RXRA: variants seen among roughly 807,000 people sequenced by gnomAD.
The protein encoded by RXRA is retinoic acid receptor RXR-alpha.
RXRA carries 5 observed loss-of-function variants against 44.5 expected under a neutral mutation model. The observed-to-expected ratio is 0.11, with a 90% CI of 0.06 to 0.24. RXRA has a LOEUF of 0.24. Ranked by LOEUF, RXRA falls within the 10% of genes least tolerant of loss-of-function variation. The pLI, the probability that RXRA is intolerant of heterozygous loss-of-function variation, is 1.00. For synonymous variants in RXRA, 291 were observed against 271.4 expected, an observed-to-expected ratio of 1.07 and a Z score of -0.71; for missense variants, 412 against 646.5, an observed-to-expected ratio of 0.64 and a Z score of 3.93.
chr9:134,413,982 A>T (rs1831193034), intron 4 of RXRA, among the ~76,000 whole-genome samples: 3 of 152,118 alleles, frequency 2.0e-5, no homozygotes, highest in Admixed American at 2.0e-4. Flanking sequence ...CTGGAGGGTA[A>T]AGAGGCTCTG....
intron 1 of RXRA, among the ~76,000 whole-genome samples, chr9:134,333,563 C>T (rs1474773578): frequency 2.0e-5 from 3 of 152,100 alleles, no homozygotes; most frequent in African/African-American, 7.2e-5. Context: ...GTAAATCCTC[C>T]AGCCGCCATG....
At chr9:134,409,234 A>G (rs1831108047) in intron 4 of RXRA, 115 bp downstream of exon 4, 1 of 1,098,278 alleles carries the variant, frequency 9.1e-7, no homozygotes, top group Non-Finnish European at 1.3e-6. Context: ...GGACAGAAGC[A>G]TGGCAAGGCC....
chr9:134,424,510 G>A lies in RXRA; in HGVS notation c.910+2705G>A, dbSNP rs1249699344. 4 of 985,288 alleles carry A rather than the reference G, an allele frequency of 4.1e-6. No individual in the cohort carries two copies. The African/African-American group carries it at 5.2e-5, about 13-fold the overall frequency. 61.0% of individuals were successfully genotyped at this position (985,288 alleles called of 1,614,324 possible). A position where few individuals can be genotyped will look rare whatever the true frequency, so the allele number is the denominator to read the frequency against. ...TGGTGAGGTCTGAAGCTGCATTTCC[G>A]GCATGAGTCCCAGCCCCACTACCCA... On this transcript the variant is annotated intron_variant, in intron 6 of 9. Transcript: ENST00000481739.
intron 1 of RXRA, among the ~76,000 whole-genome samples, chr9:134,396,900 T>C (rs10776909): frequency 0.82 from 125,184 of 152,228 alleles, 51,829 homozygotes; most frequent in African/African-American, 0.93. Context: ...GATGTGGGGA[T>C]TTTGAGTTCC....
chr9:134,368,189 G>A (rs1180537069), intron 1 of RXRA, among the ~76,000 whole-genome samples: 1 of 152,202 alleles, frequency 6.6e-6, no homozygotes, highest in Non-Finnish European at 1.5e-5. Context: ...GCTGCTCCCC[G>A]ATGGATGGTC....
chr9:134,379,995 G>T lies in RXRA; in HGVS notation c.29-21637G>T, dbSNP rs1409828297. The T allele has an allele frequency of 1.9e-5, 19 of 985,204 alleles. 1 individual carries two copies. The Admixed American group carries it at 1.2e-3, about 61-fold the overall frequency. 61.0% of individuals were successfully genotyped at this position (985,204 alleles called of 1,614,324 possible). A position where few individuals can be genotyped will look rare whatever the true frequency, so the allele number is the denominator to read the frequency against. ...GGCCTCGGGGCTGTCGGAGCTTCAG[G>T]ATTAGGGACTGAAGCCCAGCAGGGG... On this transcript the variant is annotated intron_variant, in intron 1 of 9. Transcript: ENST00000481739.
chr9:134,409,748 C>A lies in RXRA; in HGVS notation c.610+629C>A, dbSNP rs1362412974. 2.0e-5 allele frequency among the ~76,000 whole-genome samples: 3 copies of A among 152,220 alleles called. No individual in the cohort carries two copies. The East Asian group carries it at 5.8e-4, about 29-fold the overall frequency. On this transcript the variant is annotated intron_variant, in intron 4 of 9. Coordinates refer to ENST00000481739, the MANE Select transcript of RXRA (RefSeq NM_002957.6). ...CCTTTCCCTCTCAGGTTTGGCGATT[C>A]CTGGCCTCTTAGTGGGTCCCTGGGT...
At position 134,348,826 on chromosome 9, in the gene RXRA, C is replaced by G. The variant is rs1588256600; in HGVS notation, c.28+22167C>G. 2.0e-5 allele frequency among the ~76,000 whole-genome samples: 3 copies of G among 152,284 alleles called. 1 individual carries two copies. The highest frequency in any genetic ancestry group is 7.2e-5 in the African/African-American group (3 of 41,536). Reference sequence around the variant, plus strand: ...ACGCTGGACGTCGAGGTGGGTGAAACCGGGCCTGGGGTTGCAGTCCCTGAG... The same window carrying G: ...ACGCTGGACGTCGAGGTGGGTGAAAGCGGGCCTGGGGTTGCAGTCCCTGAG... On this transcript the variant is annotated intron_variant, in intron 1 of 9. Coordinates refer to ENST00000481739, the MANE Select transcript of RXRA (RefSeq NM_002957.6).
At chr9:134,391,322 C>T (rs1018984212) in intron 1 of RXRA, among the ~76,000 whole-genome samples, 2 of 152,166 alleles carry the variant, frequency 1.3e-5, no homozygotes, top group South Asian at 2.1e-4. Flanking sequence ...AAGGTGGAGA[C>T]GAGAGCCGCC....
intron 6 of RXRA, chr9:134,427,187 G>C: frequency 5.2e-6 from 5 of 967,660 alleles, no homozygotes; most frequent in Non-Finnish European, 6.1e-6. Context: ...AAAAAAAAGA[G>C]GGTTCTGTGG....
At chr9:134,360,540 C>T (rs1378070740) in intron 1 of RXRA, among the ~76,000 whole-genome samples, 1 of 152,250 alleles carries the variant, frequency 6.6e-6, no homozygotes, top group Non-Finnish European at 1.5e-5. Flanking sequence ...GCCCGCCGTG[C>T]CAGCGCCCCT....
chr9:134,386,920 G>C (rs1830729049), intron 1 of RXRA, among the ~76,000 whole-genome samples: 1 of 152,230 alleles, frequency 6.6e-6, no homozygotes, highest in Non-Finnish European at 1.5e-5. Flanking sequence ...AGGAAACTGA[G>C]GCTGGGTTGT....
intron 4 of RXRA, among the ~76,000 whole-genome samples, 169 bp from the exon 5 acceptor site, chr9:134,416,989 G>A (rs1465672065): frequency 6.6e-6 from 1 of 152,160 alleles, no homozygotes; most frequent in East Asian, 1.9e-4. Flanking sequence ...ACAACCACAC[G>A]GAGGCCAGGC....
intron 1 of RXRA, chr9:134,379,732 G>T: frequency 1.0e-6 from 1 of 985,392 alleles, no homozygotes; most frequent in Non-Finnish European, 1.2e-6. Context: ...CGGGTTCGTG[G>T]GTCCAGCTCA....
intron 1 of RXRA, among the ~76,000 whole-genome samples, chr9:134,338,206 T>C (rs1269232977): frequency 6.6e-6 from 1 of 152,226 alleles, no homozygotes; most frequent in Non-Finnish European, 1.5e-5. Flanking sequence ...GGGGCCTCCC[T>C]GGGCCTCCCT....
chr9:134,430,556 G>A lies in RXRA; in HGVS notation c.1043+1316G>A, dbSNP rs1181734637. 2.6e-5 allele frequency among the ~76,000 whole-genome samples: 4 copies of A among 152,240 alleles called. No homozygotes were observed. The East Asian group carries it at 7.7e-4, about 29-fold the overall frequency. On this transcript the variant is annotated intron_variant, in intron 7 of 9. Transcript: ENST00000481739. ...AAAAGGGTTTGTGGCCGCAGACGGT[G>A]GGCAAACGGTAGTTCAAACAGTGTC... is the stretch of plus-strand genomic sequence containing the variant.
Position 134,409,129 on chromosome 9 carries a change from G to A in RXRA, c.610+10G>A, listed in dbSNP as rs776620310. 7 of 1,543,310 alleles carry A rather than the reference G, an allele frequency of 4.5e-6. No homozygotes were observed. Among genetic ancestry groups the A allele is most frequent in the Middle Eastern group, 1.9e-4 (1 of 5,346 alleles). The stretch of plus-strand genomic sequence containing the variant: ...GGCATGAAGCGGGAAGGTAGGCCAC[G>A]GCGTCGGGTGGGGGCGCGGGCAGGT... On this transcript the variant is annotated intron_variant, in intron 4 of 9. Coordinates refer to ENST00000481739, the MANE Select transcript of RXRA (RefSeq NM_002957.6).
Position 134,420,090 on chromosome 9 carries a change from G to A in RXRA, c.781-1586G>A, listed in dbSNP as rs369427353. ...CTTGGCTTCCGAGAGTGGCCGGCTA[G>A]TGGCTGGGAAGTTCCTGGGTACAAG... On this transcript the variant is annotated intron_variant, in intron 5 of 9. Coordinates refer to ENST00000481739, the MANE Select transcript of RXRA (RefSeq NM_002957.6). Among the ~76,000 whole-genome samples the A allele has an allele frequency of 1.1e-3, 165 of 152,324 alleles. 1 individual carries two copies. The highest frequency in any genetic ancestry group is 3.8e-3 in the African/African-American group (158 of 41,572).
At chr9:134,353,783 C>T (rs982835470) in intron 1 of RXRA, among the ~76,000 whole-genome samples, 11 of 152,186 alleles carry the variant, frequency 7.2e-5, no homozygotes, top group East Asian at 1.9e-4. Flanking sequence ...TGGGATGTCC[C>T]GTTGGGGCCG....
Sources: allele counts gnomAD v4.1 joint callset (sites outside exome capture counted in the v4.1 genomes callset), GRCh38; gene constraint gnomAD v4.1.1; transcripts MANE v1.5; gene names NCBI Gene and HGNC (gene_info 2026-07-23, HGNC 2026-07-21).